The following CACNA1C variants were observed in gnomAD, a reference collection of about 807,000 sequenced individuals.
CACNA1C encodes the protein calcium voltage-gated channel subunit alpha1 C, also known as voltage-dependent L-type calcium channel subunit alpha-1C.
CACNA1C carries 30 observed loss-of-function variants against 229.0 expected under a neutral mutation model. The observed-to-expected ratio is 0.13, with a 90% confidence interval of 0.10 to 0.18. CACNA1C has a LOEUF of 0.18. Among genes scored for constraint, CACNA1C ranks in the 10% least tolerant of loss-of-function variants. The pLI is 1.00. For synonymous variants in CACNA1C, 1,114 were observed against 1,132.5 expected (o/e 0.98, Z 0.33); for missense variants, 1,658 against 2,845.0 (o/e 0.58, Z 9.49).
intron 3 of CACNA1C, among the ~76,000 whole-genome samples, chr12:2,268,839 A>T (rs538980306): frequency 3.0e-4 from 45 of 152,314 alleles, no homozygotes; most frequent in African/African-American, 9.6e-4. Context: ...TTTCTGTCCC[A>T]GTTAATCTTG....
intron 21 of CACNA1C, among the ~76,000 whole-genome samples, chr12:2,598,485 G>T (rs561186903): frequency 4.5e-4 from 69 of 152,334 alleles, no homozygotes; most frequent in African/African-American, 1.5e-3. Context: ...CTCTGAGCAA[G>T]GGGGTAGATT....
chr12:2,572,321 T>TC (rs2055131315), intron 13 of CACNA1C, among the ~76,000 whole-genome samples: 6 of 74,170 alleles, frequency 8.1e-5, no homozygotes, highest in Admixed American at 1.2e-4. Context: ...CCTCCTCCTC[T>TC]TCCTCCTCCT....
At chr12:2,340,696 G>A (rs980107735) in intron 3 of CACNA1C, among the ~76,000 whole-genome samples, 6 of 152,200 alleles carry the variant, frequency 3.9e-5, no homozygotes, top group East Asian at 1.9e-4. Context: ...GGTGGCTCAC[G>A]CCTGTAATCC....
rs2094444103 is a variant in CACNA1C at position 2,647,086 on chromosome 12, C to T, written c.3913-1389C>T. ...AAAGAATTTGCTGAGAAATCTGTTACCCAAGAAATATTTTCAGGCTGCAAG... is the reference window on the plus strand; with the variant it reads ...AAAGAATTTGCTGAGAAATCTGTTATCCAAGAAATATTTTCAGGCTGCAAG... On this transcript the variant is annotated intron_variant, in intron 30 of 46. Coordinates refer to ENST00000399655, the MANE Select transcript of CACNA1C (RefSeq NM_000719.7). This position sits in a 1 kb window ranked among gnomAD's most constrained non-coding sequence, Gnocchi z 4.2. Among the ~76,000 whole-genome samples, 1 of 152,278 alleles carries T rather than the reference C, an allele frequency of 6.6e-6. No individual in the cohort carries two copies. Among genetic ancestry groups the T allele is most frequent in the Middle Eastern group, 3.4e-3 (1 of 294 alleles).
At chr12:2,218,277 A>G (rs184696492) in intron 3 of CACNA1C, among the ~76,000 whole-genome samples, 11 of 152,284 alleles carry the variant, frequency 7.2e-5, no homozygotes, top group Admixed American at 2.6e-4. Flanking sequence ...GTTAATCATC[A>G]ACAACATGCA....
At chr12:2,370,688 T>C (rs1372193339) in intron 3 of CACNA1C, among the ~76,000 whole-genome samples, 8 of 152,150 alleles carry the variant, frequency 5.3e-5, no homozygotes, top group Admixed American at 5.2e-4. Flanking sequence ...GGGCCAAAAC[T>C]AATGAGATAA....
intron 13 of CACNA1C, among the ~76,000 whole-genome samples, chr12:2,580,476 T>A (rs1216948062): frequency 1.3e-5 from 2 of 152,006 alleles, no homozygotes; most frequent in African/African-American, 2.4e-5. Context: ...CTCAAGGGAG[T>A]GACCTAGGAG....
At chr12:2,361,393 G>A (rs941135947) in intron 3 of CACNA1C, among the ~76,000 whole-genome samples, 2 of 152,132 alleles carry the variant, frequency 1.3e-5, no homozygotes, top group African/African-American at 2.4e-5. Context: ...AGCTCTGGAC[G>A]ATGATAGAGA....
intron 21 of CACNA1C, among the ~76,000 whole-genome samples, chr12:2,599,814 C>T (rs2070952763): frequency 6.6e-6 from 1 of 152,188 alleles, no homozygotes; most frequent in South Asian, 2.1e-4. Flanking sequence ...CAAGTAAATG[C>T]TACGTTTTCC....
chr12:2,494,242 A>G (rs978949725), intron 7 of CACNA1C, among the ~76,000 whole-genome samples: 1 of 152,150 alleles, frequency 6.6e-6, no homozygotes, highest in Admixed American at 6.5e-5. Context: ...AGCCAACACT[A>G]CTTTGCTGCG....
chr12:2,003,731 C>G (rs1173116646), intron 1 of CACNA1C, among the ~76,000 whole-genome samples: 1 of 152,204 alleles, frequency 6.6e-6, no homozygotes, highest in African/African-American at 2.4e-5. Flanking sequence ...GTGTTAGACC[C>G]TGCCCCATTT....
At chr12:2,297,814 G>T (rs1310607100) in intron 3 of CACNA1C, among the ~76,000 whole-genome samples, 2 of 151,970 alleles carry the variant, frequency 1.3e-5, no homozygotes, top group Non-Finnish European at 2.9e-5. Flanking sequence ...TGAACAGTTG[G>T]ATATATATAG....
intron 1 of CACNA1C, among the ~76,000 whole-genome samples, chr12:2,031,474 T>C (rs1190582653): frequency 1.3e-5 from 2 of 152,242 alleles, no homozygotes; most frequent in African/African-American, 4.8e-5. Context: ...GCCTGTCTCC[T>C]CTGCTGCATT....
chr12:2,424,338 G>C (rs994899), intron 3 of CACNA1C, among the ~76,000 whole-genome samples: 111,671 of 151,978 alleles, frequency 0.73, 41,234 homozygotes, highest in Admixed American at 0.8. Context: ...AAAAGCAAGC[G>C]GGGAGAGGAA....
Position 2,567,601 on chromosome 12 carries a change from A to G in CACNA1C, c.1702A>G (p.Thr568Ala). The G allele has an allele frequency of 6.2e-7, 1 of 1,601,768 alleles. No homozygotes were observed. The highest frequency in any genetic ancestry group is 8.5e-7 in the Non-Finnish European group (1 of 1,174,084). Reference protein sequence around the residue: ...TANKALLALFTAEMLLKMYSL... With the variant: ...TANKALLALFAAEMLLKMYSL... ...AAACAAGGCCCTGCTGGCCCTGTTC[A>G]CGGCAGAGATGCTCCTGAAGATGTA... The change falls in exon 13 of 47, where the codon ACG (threonine) becomes GCG (alanine). Residue 568 changes from threonine (T) to alanine (A), a missense_variant. Coordinates refer to ENST00000399655, the MANE Select transcript of CACNA1C (RefSeq NM_000719.7).
chr12:2,621,389 G>A (rs756446901), intron 29 of CACNA1C, among the ~76,000 whole-genome samples: 8 of 152,138 alleles, frequency 5.3e-5, no homozygotes, highest in South Asian at 4.2e-4. Context: ...AGACCCCGAG[G>A]CAGGGGCAAG....
intron 3 of CACNA1C, among the ~76,000 whole-genome samples, chr12:2,413,247 C>G (rs1464757225): frequency 2.0e-5 from 3 of 152,202 alleles, no homozygotes; most frequent in Non-Finnish European, 4.4e-5. Flanking sequence ...GAACTCCTGA[C>G]CTCAGGTGAT....
At chr12:2,527,283 C>T (rs1224323071) in intron 9 of CACNA1C, among the ~76,000 whole-genome samples, 1 of 152,160 alleles carries the variant, frequency 6.6e-6, no homozygotes, top group East Asian at 1.9e-4. Flanking sequence ...AACCGCAGGC[C>T]AGCACTGTTA....
intron 5 of CACNA1C, among the ~76,000 whole-genome samples, chr12:2,464,201 G>A (rs778924934): frequency 6.6e-6 from 1 of 152,130 alleles, no homozygotes; most frequent in South Asian, 2.1e-4. Context: ...TCACCTTTCT[G>A]TAAGACCAGC....
Sources: gnomAD v4.1 joint callset for allele counts (sites outside exome capture counted in the v4.1 genomes callset) on GRCh38, gnomAD v4.1.1 for gene constraint, Gnocchi (gnomAD v3.1) non-coding constraint, MANE v1.5 for transcripts, NCBI Gene and HGNC (gene_info 2026-07-23, HGNC 2026-07-21) for gene names.